Variants in NEMF observed in about 807,000 individuals in gnomAD.
NEMF encodes the protein nuclear export mediator factor, also known as ribosome quality control complex subunit NEMF.
In NEMF, 89 loss-of-function variants were observed where a neutral mutation model predicts 162.2. The ratio of observed to expected loss-of-function variants is 0.55; its 90% CI spans 0.46 to 0.65. The LOEUF (loss-of-function observed/expected upper bound fraction) is 0.65. Ranked by LOEUF, NEMF falls within the 30% of genes least tolerant of loss-of-function variation. The probability of loss-of-function intolerance (pLI) is 0.00; values close to 1 mark genes in which losing one functional copy is unlikely to be tolerated. For missense variants in NEMF, 1,133 were observed against 1,261.9 expected, an observed-to-expected ratio of 0.90 and a Z score of 1.55; for synonymous variants, 421 against 404.5, an observed-to-expected ratio of 1.04 and a Z score of -0.49.
chr14:49,833,217 G>T (rs1456540753), intron 8 of NEMF, among the ~76,000 whole-genome samples: 1 of 152,146 alleles, frequency 6.6e-6, no homozygotes, highest in East Asian at 1.9e-4. Flanking sequence ...AATGAGCCAA[G>T]ATCATGCCAC....
intron 1 of NEMF, among the ~76,000 whole-genome samples, chr14:49,852,114 G>A (rs1351581260): frequency 1.3e-5 from 2 of 151,924 alleles, no homozygotes; most frequent in Non-Finnish European, 2.9e-5. Flanking sequence ...TCTTCCAAAT[G>A]ACCCAATTTT....
At chr14:49,795,140 G>A (rs976286494) in intron 26 of NEMF, among the ~76,000 whole-genome samples, 2 of 152,020 alleles carry the variant, frequency 1.3e-5, no homozygotes, top group Admixed American at 1.3e-4. Context: ...TTTGAGACCA[G>A]CCCAGACAAT....
At chr14:49,785,435 C>A (rs892071999) in intron 29 of NEMF, 115 bp from the exon 30 acceptor site, 19 of 705,604 alleles carry the variant, frequency 2.7e-5, no homozygotes, top group Middle Eastern at 6.1e-4. Context: ...ATATACATAC[C>A]ATCTAAGCTG....
chr14:49,806,298 G>T (rs1257715162), intron 18 of NEMF, among the ~76,000 whole-genome samples, 165 bp from the exon 19 acceptor site: 1 of 89,564 alleles, frequency 1.1e-5, no homozygotes, highest in African/African-American at 4.4e-5. Context: ...GTTTCGCTCT[G>T]TTGTTCTGGC....
chr14:49,841,117 A>C (rs1328613499), intron 4 of NEMF, among the ~76,000 whole-genome samples: 1 of 147,600 alleles, frequency 6.8e-6, no homozygotes. Context: ...GAATCACTTG[A>C]ATCTGGGGGG....
rs1889961181 is a variant in NEMF, at chr14:49,782,653, C to G, written c.*1983G>C. ...TAAAATTGTGTTTCCTAAGACTTAG[C>G]ACTCTCGAAAAACTAGGTTTATGGA... On this transcript the variant is annotated 3_prime_UTR_variant, in exon 33 of 33. Coordinates refer to ENST00000298310, the MANE Select transcript of NEMF (RefSeq NM_004713.6). The G allele has an allele frequency of 7.0e-7, 1 of 1,437,648 alleles. No homozygotes were observed. The highest frequency in any genetic ancestry group is 9.5e-7 in the Non-Finnish European group (1 of 1,049,902). The allele number at this position is 1,437,648 out of a possible 1,614,324, so 89.1% of individuals were successfully genotyped here. A position where few individuals can be genotyped will look rare whatever the true frequency, so the allele number is the denominator to read the frequency against.
intron 16 of NEMF, among the ~76,000 whole-genome samples, chr14:49,819,181 A>T (rs1891869130): frequency 6.6e-6 from 1 of 152,136 alleles, no homozygotes; most frequent in Non-Finnish European, 1.5e-5. Flanking sequence ...AGTTACAGTA[A>T]CATGAGTAAC....
At chr14:49,821,977 C>T (rs1244836519) in intron 16 of NEMF, among the ~76,000 whole-genome samples, 1 of 152,128 alleles carries the variant, frequency 6.6e-6, no homozygotes, top group Non-Finnish European at 1.5e-5. Flanking sequence ...AAAAATTCTT[C>T]TGCCTTGGGA....
At chr14:49,852,065 T>C (rs1246490569) in intron 1 of NEMF, among the ~76,000 whole-genome samples, 190 bp from the exon 2 acceptor site, 4 of 152,088 alleles carry the variant, frequency 2.6e-5, no homozygotes, top group African/African-American at 9.7e-5. Context: ...AAAACAGAAG[T>C]GGTCTATCAG....
chr14:49,785,154 T>A lies in NEMF; in HGVS notation c.3030-19A>T. The A allele has an allele frequency of 6.2e-7, 1 of 1,601,846 alleles. No individual in the cohort carries two copies. Among genetic ancestry groups the A allele is most frequent in the Non-Finnish European group, 8.6e-7 (1 of 1,168,926 alleles). On this transcript the variant is annotated intron_variant, in intron 30 of 32. Coordinates refer to ENST00000298310, the MANE Select transcript of NEMF (RefSeq NM_004713.6). The stretch of plus-strand genomic sequence containing the variant: ...TTTATATCTTTAAAAAGGAATTACA[T>A]GTGTTACTAAATAGACGTTACAAAA...
In NEMF at chr14:49,852,777, G is replaced by C. The variant is rs766676228; in HGVS notation, c.-24C>G. 1.2e-6 allele frequency: 2 copies of C among 1,613,746 alleles called. No homozygotes were observed. The highest frequency in any genetic ancestry group is 1.1e-5 in the South Asian group (1 of 91,074). ...ATGGCGAGGCCCGAGGGTCACTACCGCAAGTTCCTCTACTGCCCGGCCGGA... is the reference window on the plus strand; with the variant it reads ...ATGGCGAGGCCCGAGGGTCACTACCCCAAGTTCCTCTACTGCCCGGCCGGA... On this transcript the variant is annotated 5_prime_UTR_variant, in exon 1 of 33. Coordinates refer to ENST00000298310, the MANE Select transcript of NEMF (RefSeq NM_004713.6).
intron 5 of NEMF, among the ~76,000 whole-genome samples, chr14:49,838,539 A>C (rs1594797153): frequency 6.6e-6 from 1 of 152,078 alleles, no homozygotes. Context: ...CTTAATATCC[A>C]AAATGGTTTA....
intron 11 of NEMF, among the ~76,000 whole-genome samples, chr14:49,831,050 G>A (rs976702193): frequency 6.6e-6 from 1 of 152,116 alleles, no homozygotes; most frequent in Admixed American, 6.6e-5. Flanking sequence ...CAGGCCTCAC[G>A]TTCCCACCGT....
At chr14:49,832,328 TA>T in intron 8 of NEMF, 51 bp from the exon 9 acceptor site, 1 of 1,256,454 alleles carries the variant, frequency 8.0e-7, no homozygotes, top group South Asian at 1.3e-5. Context: ...AACAAAGATT[TA>T]CTTCTTTTTT....
intron 3 of NEMF, 122 bp downstream of exon 3, chr14:49,851,441 A>G (rs1893770622): frequency 1.5e-6 from 1 of 659,984 alleles, no homozygotes; most frequent in Admixed American, 2.6e-5. Context: ...TTATCTGTCA[A>G]CCACTCCCTT....
At chr14:49,789,077 C>G in intron 28 of NEMF, 69 bp downstream of exon 28, 1 of 1,252,942 alleles carries the variant, frequency 8.0e-7, no homozygotes, top group Non-Finnish European at 1.2e-6. Context: ...CTGAAAGTCC[C>G]ATGTCCTGGG....
chr14:49,787,279 T>C (rs1890221060), intron 28 of NEMF: 1 of 152,966 alleles, frequency 6.5e-6, no homozygotes, highest in African/African-American at 2.4e-5. Flanking sequence ...CAAAATACCT[T>C]AGCCTGTATA....
intron 16 of NEMF, among the ~76,000 whole-genome samples, chr14:49,823,038 G>A (rs1050767972): frequency 6.6e-6 from 1 of 150,790 alleles, no homozygotes; most frequent in African/African-American, 2.4e-5. Context: ...CCAAGTTCAA[G>A]TGATTCTTGT....
At position 49,785,322 on chromosome 14, in the gene NEMF, T is replaced by C. The variant is rs763047885; in HGVS notation, c.2929-2A>G. ...TGTCAAAGAATCAAATAGGTTTTCC[T>C]AAAAAGGGAAAATAACAGTTACAAA... On this transcript the variant is annotated splice_acceptor_variant, in intron 29 of 32. Coordinates refer to ENST00000298310, the MANE Select transcript of NEMF (RefSeq NM_004713.6). LOFTEE classifies it high-confidence loss of function. 10 of 1,610,058 alleles carry C rather than the reference T, an allele frequency of 6.2e-6. No homozygotes were observed. In the East Asian group the frequency reaches 2.2e-4, roughly 36 times the overall value.
Sources: gnomAD v4.1 joint callset for allele counts (sites outside exome capture counted in the v4.1 genomes callset) on GRCh38, gnomAD v4.1.1 for gene constraint, MANE v1.5 for transcripts, NCBI Gene and HGNC (gene_info 2026-07-23, HGNC 2026-07-21) for gene names.